The following ST6GAL1 variants were observed in gnomAD, a reference collection of about 807,000 sequenced individuals.
ST6GAL1 encodes beta-galactoside alpha-2,6-sialyltransferase 1.
In ST6GAL1, 20 loss-of-function variants were observed where a neutral mutation model predicts 38.0. That is an observed-to-expected ratio of 0.53 (90% CI 0.37 to 0.77). ST6GAL1 has a LOEUF of 0.77. Ranked by LOEUF, ST6GAL1 falls within the 30% of genes least tolerant of loss-of-function variation. ST6GAL1 has a pLI of 0.00. For missense variants in ST6GAL1, 432 were observed against 496.4 expected (o/e 0.87, Z 1.23); for synonymous variants, 196 against 188.2 (o/e 1.04, Z -0.34).
At chr3:187,044,698 G>T (rs1356812192) in intron 4 of ST6GAL1, among the ~76,000 whole-genome samples, 1 of 152,150 alleles carries the variant, frequency 6.6e-6, no homozygotes, top group African/African-American at 2.4e-5. Flanking sequence ...AATATTGCGT[G>T]CCTGGCTGAA....
At chr3:186,995,000 A>T (rs1716315410) in intron 2 of ST6GAL1, among the ~76,000 whole-genome samples, 2 of 152,140 alleles carry the variant, frequency 1.3e-5, no homozygotes, top group African/African-American at 2.4e-5. Context: ...CTATTATCAC[A>T]TTCAAATAAG....
At chr3:187,022,476 T>G (rs1717360781) in intron 2 of ST6GAL1, among the ~76,000 whole-genome samples, 1 of 152,028 alleles carries the variant, frequency 6.6e-6, no homozygotes, top group Admixed American at 6.5e-5. Context: ...TTGAAGTCAG[T>G]AGGAAGGAAT....
At chr3:187,025,871 T>TGGGGAAATGTACTC (rs1452830253) in intron 2 of ST6GAL1, among the ~76,000 whole-genome samples, 1 of 152,156 alleles carries the variant, frequency 6.6e-6, no homozygotes, top group Admixed American at 6.5e-5. Flanking sequence ...AGAAAACCTC[T>TGGGGAAATGTACTC]GGGGAAATGT....
intron 2 of ST6GAL1, among the ~76,000 whole-genome samples, chr3:186,964,892 A>G (rs1274752513): frequency 6.6e-6 from 1 of 152,190 alleles, no homozygotes; most frequent in Non-Finnish European, 1.5e-5. Flanking sequence ...TCACCTGTGA[A>G]CGGTAGGTGC....
chr3:187,010,465 G>T (rs1360032027), intron 2 of ST6GAL1, among the ~76,000 whole-genome samples: 1 of 152,314 alleles, frequency 6.6e-6, no homozygotes, highest in Admixed American at 6.5e-5. Context: ...GAAGAAAAAT[G>T]ATTTATTTAT....
intron 1 of ST6GAL1, among the ~76,000 whole-genome samples, chr3:186,951,138 C>T (rs551269600): frequency 1.2e-4 from 18 of 152,280 alleles, no homozygotes; most frequent in African/African-American, 2.9e-4. Flanking sequence ...GGCGTGATCT[C>T]GGTTCACTGC....
rs939449182 is a variant in ST6GAL1, at chr3:186,930,529, C to T, written c.-630C>T. 6.5e-6 allele frequency: 1 copy of T among 152,898 alleles called. No homozygotes were observed. Among genetic ancestry groups the T allele is most frequent in the Non-Finnish European group, 1.5e-5 (1 of 68,592 alleles). The allele number at this position is 152,898 out of a possible 1,614,324, so 9.5% of individuals were successfully genotyped here. ...TTCCTTCCCGCCCCTCCGCCGCGCT[C>T]TTCTTCCTTCCTTCTCCAGTCCCTT... On this transcript the variant is annotated 5_prime_UTR_variant, in exon 1 of 8. Coordinates refer to ENST00000169298, the MANE Select transcript of ST6GAL1 (RefSeq NM_173216.2).
At chr3:186,991,713 T>C (rs1363517214) in intron 2 of ST6GAL1, among the ~76,000 whole-genome samples, 1 of 152,198 alleles carries the variant, frequency 6.6e-6, no homozygotes, top group Admixed American at 6.5e-5. Flanking sequence ...CATCCCATAC[T>C]GATCCTCTGG....
chr3:187,071,194 C>A (rs1719358841), intron 5 of ST6GAL1, among the ~76,000 whole-genome samples: 1 of 152,170 alleles, frequency 6.6e-6, no homozygotes, highest in African/African-American at 2.4e-5. Context: ...TCGTTTCAGT[C>A]AGTTCTTGAT....
intron 2 of ST6GAL1, among the ~76,000 whole-genome samples, chr3:187,009,587 G>A (rs1560161230): frequency 6.6e-6 from 1 of 152,206 alleles, no homozygotes; most frequent in Non-Finnish European, 1.5e-5. Context: ...AGCTATCACT[G>A]TGCCACTGTC....
intron 4 of ST6GAL1, among the ~76,000 whole-genome samples, chr3:187,047,926 T>G (rs1015958874): frequency 6.6e-6 from 1 of 150,684 alleles, no homozygotes; most frequent in Non-Finnish European, 1.5e-5. Flanking sequence ...CTCCTTTGAT[T>G]GGCTTTTTTC....
intron 2 of ST6GAL1, among the ~76,000 whole-genome samples, chr3:186,967,862 G>A (rs1202647816): frequency 1.3e-5 from 2 of 152,230 alleles, no homozygotes; most frequent in African/African-American, 2.4e-5. Context: ...CAAAACCACC[G>A]TGGCAGTAGA....
intron 2 of ST6GAL1, among the ~76,000 whole-genome samples, chr3:187,036,913 A>T (rs1248097584): frequency 1.3e-5 from 2 of 152,110 alleles, no homozygotes; most frequent in Non-Finnish European, 1.5e-5. Context: ...TTTTAAAAAA[A>T]CCCTTTTCTT....
chr3:186,976,582 C>T (rs1715528807), intron 2 of ST6GAL1, among the ~76,000 whole-genome samples: 1 of 150,656 alleles, frequency 6.6e-6, no homozygotes, highest in Non-Finnish European at 1.5e-5. Flanking sequence ...GGCATGTGCC[C>T]CCACACCCGG....
intron 5 of ST6GAL1, among the ~76,000 whole-genome samples, chr3:187,067,805 A>G (rs1251442788): frequency 1.3e-5 from 2 of 152,078 alleles, no homozygotes; most frequent in Admixed American, 1.3e-4. Flanking sequence ...CTGTGCCACA[A>G]ACTCATCGTA....
At chr3:186,985,496 A>G (rs1715883971) in intron 2 of ST6GAL1, among the ~76,000 whole-genome samples, 1 of 151,730 alleles carries the variant, frequency 6.6e-6, no homozygotes, top group African/African-American at 2.4e-5. Context: ...AAAGGATATG[A>G]TCTGAGGCTA....
At chr3:187,004,629 C>G (rs1018285285) in intron 2 of ST6GAL1, among the ~76,000 whole-genome samples, 1 of 152,308 alleles carries the variant, frequency 6.6e-6, no homozygotes, top group African/African-American at 2.4e-5. Context: ...ACGGCACTTT[C>G]GTGCTATTAA....
chr3:187,029,120 A>G (rs901498679), intron 2 of ST6GAL1, among the ~76,000 whole-genome samples: 1 of 132,512 alleles, frequency 7.5e-6, no homozygotes, highest in Non-Finnish European at 1.6e-5. Flanking sequence ...TAGGTGCTTC[A>G]TGTCACGTCA....
At chr3:187,016,184 T>G (rs1717109939) in intron 2 of ST6GAL1, among the ~76,000 whole-genome samples, 1 of 152,208 alleles carries the variant, frequency 6.6e-6, no homozygotes, top group Non-Finnish European at 1.5e-5. Context: ...AAAACCATTT[T>G]CTTGTTTACA....
Sources: gnomAD v4.1 joint callset for allele counts (sites outside exome capture counted in the v4.1 genomes callset) on GRCh38, gnomAD v4.1.1 for gene constraint, MANE v1.5 for transcripts, NCBI Gene and HGNC (gene_info 2026-07-23, HGNC 2026-07-21) for gene names.